The following NSD3 variants were observed in gnomAD, a reference collection of about 807,000 sequenced individuals.
NSD3 encodes histone-lysine N-methyltransferase NSD3.
In NSD3, 24 loss-of-function variants were observed where a neutral mutation model predicts 160.8. The ratio of observed to expected loss-of-function variants is 0.15; its 90% CI spans 0.11 to 0.21. The LOEUF (loss-of-function observed/expected upper bound fraction) is 0.21. NSD3 is among the 10% of genes least tolerant of loss of function. The probability of loss-of-function intolerance (pLI) is 1.00; values close to 1 mark genes in which losing one functional copy is unlikely to be tolerated. For synonymous variants in NSD3, 520 were observed against 600.0 expected, an observed-to-expected ratio of 0.87 and a Z score of 1.95; for missense variants, 1,157 against 1,735.9, an observed-to-expected ratio of 0.67 and a Z score of 5.93.
chr8:38,282,944 G>A (rs934140442), intron 19 of NSD3, among the ~76,000 whole-genome samples: 3 of 152,152 alleles, frequency 2.0e-5, no homozygotes, highest in African/African-American at 4.8e-5. Flanking sequence ...GAAAGTTTTC[G>A]TGTGGACATA....
chr8:38,273,548 T>C lies in NSD3; in HGVS notation c.*2093A>G, dbSNP rs1585845413. On this transcript the variant is annotated 3_prime_UTR_variant, in exon 24 of 24. Transcript: ENST00000317025. ...GGAGATAAGATTTCATGTTGGATAC[T>C]GTTTCAAGAACTGTATTTGGAATAT... 1.3e-5 allele frequency: 2 copies of C among 152,240 alleles called. No individual in the cohort carries two copies. The highest frequency in any genetic ancestry group is 2.4e-5 in the African/African-American group (1 of 41,468). 9.4% of individuals were successfully genotyped at this position (152,240 alleles called of 1,614,324 possible).
At position 38,299,578 on chromosome 8, in the gene NSD3, T is replaced by C. The variant is rs1168029405; in HGVS notation, c.2624A>G (p.Gln875Arg). 2.5e-6 allele frequency: 4 copies of C among 1,603,076 alleles called. No homozygotes were observed. The highest frequency in any genetic ancestry group is 3.4e-6 in the Non-Finnish European group (4 of 1,175,802). ...ACTGAACATGGGGTCTGAATGGTCC[T>C]GAACTATCAGCCCTATACGAAACAA... ...CFVCARGLIV[Q>R]DHSDPMFSSY... Residue 875 changes from glutamine (Q) to arginine (R), a missense_variant, in exon 15 of 24, where the codon CAG becomes CGG. Around this residue, in one of 10 missense-constraint regions of NSD3, gnomAD observed 437 missense variants for 576.6 expected, o/e 0.76. Transcript: ENST00000317025.
intron 1 of NSD3, among the ~76,000 whole-genome samples, chr8:38,354,037 A>C (rs1810763568): frequency 6.6e-6 from 1 of 152,218 alleles, no homozygotes; most frequent in African/African-American, 2.4e-5. Context: ...TCCCTTTCAG[A>C]CTACCCCAGT....
intron 12 of NSD3, among the ~76,000 whole-genome samples, chr8:38,308,809 C>T (rs1809466496): frequency 6.6e-6 from 1 of 151,978 alleles, no homozygotes; most frequent in Non-Finnish European, 1.5e-5. Context: ...GAGCAAGAAC[C>T]TCTCTCAAGA....
At chr8:38,343,502 C>T (rs751230880) in intron 2 of NSD3, among the ~76,000 whole-genome samples, 113 of 151,670 alleles carry the variant, frequency 7.5e-4, no homozygotes, top group Non-Finnish European at 1.5e-3. Context: ...CAGGGGTTCG[C>T]GACCAGCCTG....
intron 8 of NSD3, chr8:38,320,304 C>A (rs1176815748): frequency 1.3e-5 from 2 of 151,988 alleles, no homozygotes; most frequent in African/African-American, 2.4e-5. Flanking sequence ...GGAACTAATT[C>A]TATTCAGAAT....
In NSD3 at chr8:38,288,423, A is replaced by T; in HGVS notation, c.3501+64T>A. On this transcript the variant is annotated intron_variant, in intron 19 of 23. Transcript: ENST00000317025. This position sits in a 1 kb window ranked among gnomAD's most constrained non-coding sequence, Gnocchi z 4.5. ...GATTTTATCCCTAGAACTATACCCT[A>T]CTGAAGCATTCCTGAAAAGCCAGGT... 6.4e-7 allele frequency: 1 copy of T among 1,571,268 alleles called. No homozygotes were observed. The highest frequency in any genetic ancestry group is 8.6e-7 in the Non-Finnish European group (1 of 1,157,104).
At chr8:38,301,274 G>A (rs960991534) in intron 14 of NSD3, among the ~76,000 whole-genome samples, 1 of 152,196 alleles carries the variant, frequency 6.6e-6, no homozygotes, top group Non-Finnish European at 1.5e-5. Context: ...CTCAGCCAGA[G>A]TCTTCTAATA....
chr8:38,358,701 G>T (rs1009627646), intron 1 of NSD3, among the ~76,000 whole-genome samples: 1 of 152,060 alleles, frequency 6.6e-6, no homozygotes, highest in Admixed American at 6.6e-5. Context: ...CTAACTGAAT[G>T]ATCACTTAAT....
rs769430735 is a variant in NSD3, at chr8:38,270,374, C to T, written c.*5267G>A. 1.3e-5 allele frequency: 2 copies of T among 152,108 alleles called. No individual in the cohort carries two copies. Among genetic ancestry groups the T allele is most frequent in the Non-Finnish European group, 2.9e-5 (2 of 68,026 alleles). 9.4% of individuals were successfully genotyped at this position (152,108 alleles called of 1,614,324 possible). A position where few individuals can be genotyped will look rare whatever the true frequency, so the allele number is the denominator to read the frequency against. ...TCTGTAGGTATCTGTGTTTGTTGTG[C>T]AATATCACTCAAATGGGTACAAATG... On this transcript the variant is annotated 3_prime_UTR_variant, in exon 24 of 24. Transcript: ENST00000317025.
At chr8:38,308,815 C>T (rs999881960) in intron 12 of NSD3, among the ~76,000 whole-genome samples, 1 of 152,048 alleles carries the variant, frequency 6.6e-6, no homozygotes, top group Non-Finnish European at 1.5e-5. Flanking sequence ...GAACCTCTCT[C>T]AAGAAAATAT....
At chr8:38,287,843 G>A (rs569585983) in intron 19 of NSD3, among the ~76,000 whole-genome samples, 13 of 152,122 alleles carry the variant, frequency 8.5e-5, no homozygotes, top group South Asian at 2.1e-4. Context: ...TAGTAGAGAC[G>A]GGGTTTCACC....
intron 2 of NSD3, 106 bp downstream of exon 2, chr8:38,347,391 T>G: frequency 3.2e-6 from 4 of 1,235,094 alleles, no homozygotes; most frequent in Non-Finnish European, 4.5e-6. Context: ...ATTAAAGAAG[T>G]TATCAGACAG....
chr8:38,359,725 C>T (rs542399449), intron 1 of NSD3, among the ~76,000 whole-genome samples: 6 of 152,096 alleles, frequency 3.9e-5, no homozygotes, highest in Non-Finnish European at 8.8e-5. Context: ...TCAAACAAAA[C>T]GGATCCTGCT....
chr8:38,361,754 C>CAAA (rs756700150), intron 1 of NSD3, among the ~76,000 whole-genome samples: 40 of 30,980 alleles, frequency 1.3e-3, no homozygotes, highest in East Asian at 3.7e-3. Context: ...GACTCCGTCT[C>CAAA]AAAAAAAAAA....
In NSD3 at chr8:38,274,897, C is replaced by G. The variant is rs1808561560; in HGVS notation, c.*744G>C. The stretch of plus-strand genomic sequence containing the variant: ...TGTCAATGGAAAACGTTTTAAAAAT[C>G]AGTGAGCACATCCATTCCTTTTTTT... On this transcript the variant is annotated 3_prime_UTR_variant, in exon 24 of 24. Coordinates refer to ENST00000317025, the MANE Select transcript of NSD3 (RefSeq NM_023034.2). 5.3e-6 allele frequency: 1 copy of G among 187,290 alleles called. No individual in the cohort carries two copies. The highest frequency in any genetic ancestry group is 1.1e-5 in the Non-Finnish European group (1 of 88,802). The allele number at this position is 187,290 out of a possible 1,614,324, so 11.6% of individuals were successfully genotyped here. A position where few individuals can be genotyped will look rare whatever the true frequency, so the allele number is the denominator to read the frequency against.
chr8:38,281,480 A>G lies in NSD3; in HGVS notation c.3605T>C (p.Leu1202Ser). 1 of 1,486,996 alleles carries G rather than the reference A, an allele frequency of 6.7e-7. No homozygotes were observed. Among genetic ancestry groups the G allele is most frequent in the Non-Finnish European group, 9.0e-7 (1 of 1,112,838 alleles). The allele number at this position is 1,486,996 out of a possible 1,614,324, so 92.1% of individuals were successfully genotyped here. The part of the protein sequence containing the change: ...HENSVTNFYM[L>S]TVTKDRIIDA... ...AAGCAATTTTACCTTGGTAACAGTT[A>G]ACATATAAAAATTAGTTACACTGTT... The change falls in exon 20 of 24, where the codon TTA becomes TCA. Residue 1202 changes from leucine to serine, a missense_variant. Leu to Ser is a moderately radical substitution (Grantham distance 145). This residue lies in a region of NSD3 where 222 missense variants were observed against 409.9 expected (regional missense o/e 0.54). Coordinates refer to ENST00000317025, the MANE Select transcript of NSD3 (RefSeq NM_023034.2).
intron 2 of NSD3, among the ~76,000 whole-genome samples, chr8:38,346,280 ATACATATATAG>A (rs1340346582): frequency 4.1e-5 from 6 of 147,880 alleles, no homozygotes; most frequent in Non-Finnish European, 7.4e-5. Context: ...CTATGTATAT[ATACATATATAG>A]TATATAGTAT....
In NSD3 at chr8:38,274,454, A is replaced by G. The variant is rs1182662671; in HGVS notation, c.*1187T>C. The stretch of plus-strand genomic sequence containing the variant: ...AAGTAGAAGTTCTTCCCCTTACTCA[A>G]TGGGAGCAATCTTAAGTACTGGATA... On this transcript the variant is annotated 3_prime_UTR_variant, in exon 24 of 24. Transcript: ENST00000317025. 1.3e-5 allele frequency: 2 copies of G among 152,184 alleles called. No homozygotes were observed. Among genetic ancestry groups the G allele is most frequent in the East Asian group, 1.9e-4 (1 of 5,200 alleles). The allele number at this position is 152,184 out of a possible 1,614,324, so 9.4% of individuals were successfully genotyped here.
Sources: allele counts gnomAD v4.1 joint callset (sites outside exome capture counted in the v4.1 genomes callset), GRCh38; gene constraint gnomAD v4.1.1; regional missense constraint gnomAD v4.1.1; non-coding constraint Gnocchi (gnomAD v3.1); transcripts MANE v1.5; gene names NCBI Gene and HGNC (gene_info 2026-07-23, HGNC 2026-07-21).